SLIT2: variants seen among roughly 807,000 people sequenced by gnomAD.
SLIT2 encodes the protein slit homolog 2 protein.
SLIT2 carries 41 observed loss-of-function variants against 185.7 expected under a neutral mutation model. That is an observed-to-expected ratio of 0.22 (90% CI 0.17 to 0.29). The LOEUF (loss-of-function observed/expected upper bound fraction) is 0.29. Ranked by LOEUF, SLIT2 falls within the 10% of genes least tolerant of loss-of-function variation. The pLI is 1.00. For missense variants in SLIT2, 1,571 were observed against 1,909.0 expected, an observed-to-expected ratio of 0.82 and a Z score of 3.30; for synonymous variants, 693 against 680.2, an observed-to-expected ratio of 1.02 and a Z score of -0.29.
chr4:20,308,630 G>C (rs988841021), intron 4 of SLIT2, among the ~76,000 whole-genome samples: 33 of 152,108 alleles, frequency 2.2e-4, no homozygotes, highest in African/African-American at 8.0e-4. Context: ...AAAGACTCTT[G>C]GTGGGATTAG....
chr4:20,574,525 G>T (rs545058029), intron 29 of SLIT2, among the ~76,000 whole-genome samples: 1 of 152,142 alleles, frequency 6.6e-6, no homozygotes, highest in East Asian at 1.9e-4. Context: ...AGTGGCTTAC[G>T]CCTGCAATCC....
intron 33 of SLIT2, among the ~76,000 whole-genome samples, chr4:20,599,345 A>AT (rs1728236246): frequency 6.6e-6 from 1 of 152,118 alleles, no homozygotes. Context: ...TAGCTATTTA[A>AT]TTTTTTCACA....
chr4:20,619,072 T>A lies in SLIT2; in HGVS notation c.*63T>A. On this transcript the variant is annotated 3_prime_UTR_variant, in exon 37 of 37. Coordinates refer to ENST00000504154, the MANE Select transcript of SLIT2 (RefSeq NM_004787.4). Reference sequence around the variant, plus strand: ...ATACTTCTTGACCGTGTGGGACTAATGAATGCTTCATAGTGGAAATATTTG... The same window carrying A: ...ATACTTCTTGACCGTGTGGGACTAAAGAATGCTTCATAGTGGAAATATTTG... 6.7e-7 allele frequency: 1 copy of A among 1,484,128 alleles called. No individual in the cohort carries two copies. Among genetic ancestry groups the A allele is most frequent in the Non-Finnish European group, 9.3e-7 (1 of 1,078,564 alleles). The allele number at this position is 1,484,128 out of a possible 1,614,324, so 91.9% of individuals were successfully genotyped here. A position where few individuals can be genotyped will look rare whatever the true frequency, so the allele number is the denominator to read the frequency against.
intron 26 of SLIT2, among the ~76,000 whole-genome samples, chr4:20,561,815 C>G (rs936467481): frequency 6.6e-6 from 1 of 151,476 alleles, no homozygotes; most frequent in African/African-American, 2.4e-5. Flanking sequence ...AAAGGGGGGG[C>G]TCTTTTATTA....
Position 20,252,720 on chromosome 4 carries a change from C to A in SLIT2, c.-1096C>A, listed in dbSNP as rs1722138474. Among the ~76,000 whole-genome samples the A allele has an allele frequency of 6.6e-6, 1 of 152,210 alleles. No homozygotes were observed. The highest frequency in any genetic ancestry group is 1.5e-5 in the Non-Finnish European group (1 of 68,030). Reference sequence around the variant, plus strand: ...CACGCGCGCACACACTACTGCCATTCAGCTGCCGCCTGGCTCTGCCTGGAG... The same window carrying A: ...CACGCGCGCACACACTACTGCCATTAAGCTGCCGCCTGGCTCTGCCTGGAG... On this transcript the variant is annotated 5_prime_UTR_variant, in exon 1 of 37. Coordinates refer to ENST00000504154, the MANE Select transcript of SLIT2 (RefSeq NM_004787.4).
chr4:20,391,649 C>G (rs1001888113), intron 4 of SLIT2, among the ~76,000 whole-genome samples: 1 of 152,076 alleles, frequency 6.6e-6, no homozygotes, highest in Non-Finnish European at 1.5e-5. Context: ...CCATACAATA[C>G]TGGATGGTGG....
At chr4:20,472,287 G>GAT (rs1560452839) in intron 5 of SLIT2, among the ~76,000 whole-genome samples, 7 of 14,880 alleles carry the variant, frequency 4.7e-4, no homozygotes, top group African/African-American at 1.9e-3. Flanking sequence ...TATATATATA[G>GAT]ATATATAGAT....
Position 20,550,835 on chromosome 4 carries a change from A to G in SLIT2, c.2498A>G (p.His833Arg). ...GLKSLRLLSL[H>R]GNDISVVPEG... Reference sequence around the variant, plus strand: ...CTTTTTCTTTCTTTTAGTTCTCTACATGGAAATGACATTTCTGTTGTGCCT... The same window carrying G: ...CTTTTTCTTTCTTTTAGTTCTCTACGTGGAAATGACATTTCTGTTGTGCCT... The change falls in exon 25 of 37, where the codon CAT becomes CGT. Residue 833 changes from histidine (H) to arginine (R), a missense_variant. His to Arg is a conservative substitution (Grantham distance 29). Around this residue, in one of 3 missense-constraint regions of SLIT2, gnomAD observed 1,202 missense variants for 1,416.4 expected, o/e 0.85. Coordinates refer to ENST00000504154, the MANE Select transcript of SLIT2 (RefSeq NM_004787.4). The G allele has an allele frequency of 1.2e-6, 2 of 1,603,742 alleles. No homozygotes were observed. Among genetic ancestry groups the G allele is most frequent in the Non-Finnish European group, 1.7e-6 (2 of 1,172,076 alleles).
intron 4 of SLIT2, among the ~76,000 whole-genome samples, chr4:20,395,231 G>T (rs920337810): frequency 2.0e-5 from 3 of 151,948 alleles, no homozygotes; most frequent in African/African-American, 7.2e-5. Context: ...ATCCTGGGCC[G>T]AGATGTGAAG....
chr4:20,330,858 AG>A (rs903851005), intron 4 of SLIT2, among the ~76,000 whole-genome samples: 1 of 152,136 alleles, frequency 6.6e-6, no homozygotes, highest in African/African-American at 2.4e-5. Flanking sequence ...TTACTTGTTA[AG>A]GAAAGAGACA....
In SLIT2 at chr4:20,349,436, A is replaced by T. The variant is rs531504374; in HGVS notation, c.395+80555A>T. The stretch of plus-strand genomic sequence containing the variant: ...CTGTCACCCTCACTTCCTGTTCTGC[A>T]TGGATTTTCATGCAGTAGTTCCCTT... On this transcript the variant is annotated intron_variant, in intron 4 of 36. Transcript: ENST00000504154. Among the ~76,000 whole-genome samples, 5 of 152,256 alleles carry T rather than the reference A, an allele frequency of 3.3e-5. No individual in the cohort carries two copies. In the South Asian group the frequency reaches 1.0e-3, roughly 32 times the overall value.
At chr4:20,595,167 A>T (rs1727872686) in intron 30 of SLIT2, among the ~76,000 whole-genome samples, 1 of 152,168 alleles carries the variant, frequency 6.6e-6, no homozygotes, top group Non-Finnish European at 1.5e-5. Context: ...ATTCATTGTG[A>T]ATTAGGGTAT....
rs1321981276 is a variant in SLIT2, at chr4:20,531,968, C to T, written c.1614-16C>T. The T allele has an allele frequency of 6.6e-7, 1 of 1,506,360 alleles. No homozygotes were observed. Among genetic ancestry groups the T allele is most frequent in the Admixed American group, 2.2e-5 (1 of 44,774 alleles). 93.3% of individuals were successfully genotyped at this position (1,506,360 alleles called of 1,614,324 possible). On this transcript the variant is annotated splice_polypyrimidine_tract_variant and intron_variant, in intron 16 of 36. Transcript: ENST00000504154. ...TATTGGTAATAAAACTTCTCTATTCCTTCTTTTTTCTTCAGGCGTCTCAAT... is the reference window on the plus strand; with the variant it reads ...TATTGGTAATAAAACTTCTCTATTCTTTCTTTTTTCTTCAGGCGTCTCAAT...
chr4:20,314,740 G>A (rs562484781), intron 4 of SLIT2, among the ~76,000 whole-genome samples: 1 of 151,960 alleles, frequency 6.6e-6, no homozygotes, highest in South Asian at 2.1e-4. Context: ...ACAATATAAG[G>A]GAAATTGAAA....
chr4:20,488,588 C>A lies in SLIT2; in HGVS notation c.612-231C>A, dbSNP rs148839223. On this transcript the variant is annotated intron_variant, in intron 7 of 36. Coordinates refer to ENST00000504154, the MANE Select transcript of SLIT2 (RefSeq NM_004787.4). ...TAAATGAACGTAAGTGAAATATGTT[C>A]GTTTAAAACATAATTTTATGGACAT... 1.1e-4 allele frequency among the ~76,000 whole-genome samples: 16 copies of A among 151,754 alleles called. 1 individual carries two copies. The highest frequency in any genetic ancestry group is 3.4e-4 in the African/African-American group (14 of 41,284).
intron 4 of SLIT2, among the ~76,000 whole-genome samples, chr4:20,368,219 C>CAAAAAAAAA: frequency 6.8e-3 from 717 of 105,978 alleles, no homozygotes; most frequent in Middle Eastern, 0.012. Flanking sequence ...CACAAAATAG[C>CAAAAAAAAA]AAAAAAAAAA....
At chr4:20,451,635 G>A (rs965297714) in intron 4 of SLIT2, among the ~76,000 whole-genome samples, 1 of 152,114 alleles carries the variant, frequency 6.6e-6, no homozygotes, top group African/African-American at 2.4e-5. Context: ...GAATCTACTG[G>A]GGCTAATTAT....
At chr4:20,397,433 G>A (rs960003163) in intron 4 of SLIT2, among the ~76,000 whole-genome samples, 2 of 151,774 alleles carry the variant, frequency 1.3e-5, no homozygotes, top group African/African-American at 4.8e-5. Context: ...GTAGTTCACT[G>A]CTTCTCAAAG....
At chr4:20,312,594 A>C (rs947227649) in intron 4 of SLIT2, among the ~76,000 whole-genome samples, 1 of 151,880 alleles carries the variant, frequency 6.6e-6, no homozygotes, top group African/African-American at 2.4e-5. Flanking sequence ...CAACATGGTG[A>C]AACCCCATAT....
Sources: allele counts gnomAD v4.1 joint callset (sites outside exome capture counted in the v4.1 genomes callset), GRCh38; gene constraint gnomAD v4.1.1; regional missense constraint gnomAD v4.1.1; transcripts MANE v1.5; gene names NCBI Gene and HGNC (gene_info 2026-07-23, HGNC 2026-07-21).